The following PDIA6 variants were observed in gnomAD, a reference collection of about 807,000 sequenced individuals.
PDIA6 encodes the protein protein disulfide isomerase family A member 6.
PDIA6 carries 29 observed loss-of-function variants against 58.4 expected under a neutral mutation model. The ratio of observed to expected loss-of-function variants is 0.50; its 90% CI spans 0.37 to 0.68. The LOEUF is 0.68. PDIA6 is among the 30% of genes least tolerant of loss of function. PDIA6 has a pLI of 0.00. For synonymous variants in PDIA6, 192 were observed against 202.6 expected (o/e 0.95, Z 0.44); for missense variants, 480 against 551.0 (o/e 0.87, Z 1.29).
At chr2:10,808,165 G>A (rs1254840695) in intron 1 of PDIA6, among the ~76,000 whole-genome samples, 1 of 152,244 alleles carries the variant, frequency 6.6e-6, no homozygotes, top group African/African-American at 2.4e-5. Context: ...ATAGATTTAT[G>A]CTTTCTAGAA....
At position 10,819,259 on chromosome 2, in the gene PDIA6, G is replaced by A. The variant is rs1167783425; in HGVS notation, c.34+15C>T. ...ACAGATGGAGGCTCCTACTCTGGGAGTTTCCTCTACTTACCGGGTGCATTA... is the reference window on the plus strand; with the variant it reads ...ACAGATGGAGGCTCCTACTCTGGGAATTTCCTCTACTTACCGGGTGCATTA... On this transcript the variant is annotated intron_variant, in intron 2 of 13. Transcript: ENST00000381611. The A allele has an allele frequency of 3.4e-6, 5 of 1,476,604 alleles. No individual in the cohort carries two copies. In the South Asian group the frequency reaches 3.6e-5, roughly 11 times the overall value. 91.5% of individuals were successfully genotyped at this position (1,476,604 alleles called of 1,614,324 possible). A position where few individuals can be genotyped will look rare whatever the true frequency, so the allele number is the denominator to read the frequency against.
intron 1 of PDIA6, among the ~76,000 whole-genome samples, chr2:10,820,001 G>A (rs542960494): frequency 1.3e-5 from 2 of 152,330 alleles, no homozygotes; most frequent in African/African-American, 2.4e-5. Context: ...CAGCAGCCCT[G>A]CAGTTAGATA....
chr2:10,809,396 G>A (rs1160914695), intron 1 of PDIA6, among the ~76,000 whole-genome samples: 3 of 152,120 alleles, frequency 2.0e-5, no homozygotes, highest in African/African-American at 7.2e-5. Flanking sequence ...TAAGACTAAG[G>A]CTGGGTGTGG....
At chr2:10,823,842 C>T (rs1224543288) in intron 1 of PDIA6, among the ~76,000 whole-genome samples, 3 of 150,892 alleles carry the variant, frequency 2.0e-5, no homozygotes, top group Non-Finnish European at 4.4e-5. Flanking sequence ...AGCTGCTGTG[C>T]CCAAGGTTAT....
At chr2:10,806,429 G>A (rs1572682614) in intron 1 of PDIA6, among the ~76,000 whole-genome samples, 1 of 147,376 alleles carries the variant, frequency 6.8e-6, no homozygotes, top group African/African-American at 2.5e-5. Context: ...TGCGTTTTAA[G>A]GTAAGTGTTT....
At chr2:10,818,583 A>C (rs1178047306) in intron 2 of PDIA6, among the ~76,000 whole-genome samples, 1 of 137,278 alleles carries the variant, frequency 7.3e-6, no homozygotes, top group African/African-American at 2.7e-5. Flanking sequence ...GTGCAATTGC[A>C]CTATCTCGAC....
chr2:10,789,793 G>C lies in PDIA6; in HGVS notation c.796C>G (p.Leu266Val). The C allele has an allele frequency of 6.2e-7, 1 of 1,613,802 alleles. No individual in the cohort carries two copies. The highest frequency in any genetic ancestry group is 8.5e-7 in the Non-Finnish European group (1 of 1,179,882). Residue 266 changes from leucine to valine, a missense_variant, in exon 8 of 13, where the codon CTT becomes GTT. Leu to Val is a conservative substitution (Grantham distance 32). Transcript: ENST00000272227. ...GGGGCGTTATCAGAAAACAAATCAAGGGCCCGGGACACGATGTCGGATCTT... is the reference window on the plus strand; with the variant it reads ...GGGGCGTTATCAGAAAACAAATCAACGGCCCGGGACACGATGTCGGATCTT... The part of the protein sequence containing the change: ...RTRSDIVSRA[L>V]DLFSDNAPPP...
intron 2 of PDIA6, among the ~76,000 whole-genome samples, chr2:10,817,950 C>A (rs944345777): frequency 3.9e-5 from 6 of 152,158 alleles, no homozygotes; most frequent in Admixed American, 2.0e-4. Context: ...GGCTAACGTA[C>A]CCACAGAATG....
At chr2:10,829,475 A>G (rs1667644965) in intron 1 of PDIA6, among the ~76,000 whole-genome samples, 1 of 152,224 alleles carries the variant, frequency 6.6e-6, no homozygotes, top group Admixed American at 6.5e-5. Flanking sequence ...AAGGGTGTTG[A>G]CTTTTTGCTC....
chr2:10,817,393 T>C (rs1007408314), upstream of PDIA6, among the ~76,000 whole-genome samples: 1 of 152,188 alleles, frequency 6.6e-6, no homozygotes, highest in Non-Finnish European at 1.5e-5. Context: ...GTCACTCAGG[T>C]CATCTTTCTG....
chr2:10,829,042 C>T (rs1443685413), intron 1 of PDIA6, among the ~76,000 whole-genome samples: 1 of 152,226 alleles, frequency 6.6e-6, no homozygotes, highest in African/African-American at 2.4e-5. Context: ...GGGTGCTGTC[C>T]AGGCACTTTC....
At chr2:10,835,650 G>T (rs556529861), upstream of PDIA6, among the ~76,000 whole-genome samples, 2 of 152,202 alleles carry the variant, frequency 1.3e-5, no homozygotes, top group Non-Finnish European at 2.9e-5. Context: ...CCCAGCCTGG[G>T]TTTGGATCCA....
upstream of PDIA6, chr2:10,812,840 GC>G: frequency 1.7e-6 from 2 of 1,169,816 alleles, no homozygotes; most frequent in Non-Finnish European, 2.1e-6. Flanking sequence ...GGGCCGGAAG[GC>G]GCTCGCCAAG....
At chr2:10,786,024 A>C (rs1018355033) in intron 11 of PDIA6, among the ~76,000 whole-genome samples, 31 of 152,064 alleles carry the variant, frequency 2.0e-4, no homozygotes, top group Non-Finnish European at 4.4e-4. Flanking sequence ...CCACAAACTT[A>C]ATGAAAACAC....
At chr2:10,827,536 T>C (rs1276009491) in intron 1 of PDIA6, among the ~76,000 whole-genome samples, 1 of 151,994 alleles carries the variant, frequency 6.6e-6, no homozygotes, top group Non-Finnish European at 1.5e-5. Flanking sequence ...TCAGAAGAAA[T>C]ATAAGGGCTG....
chr2:10,812,706 CG>C lies in PDIA6; in HGVS notation c.-11del. 6.6e-7 allele frequency: 1 copy of C among 1,525,794 alleles called. No individual in the cohort carries two copies. Among genetic ancestry groups the C allele is most frequent in the Non-Finnish European group, 8.8e-7 (1 of 1,139,478 alleles). 94.5% of individuals were successfully genotyped at this position (1,525,794 alleles called of 1,614,324 possible). On this transcript the variant is annotated 5_prime_UTR_variant, in exon 1 of 13. Coordinates refer to ENST00000272227, the MANE Select transcript of PDIA6 (RefSeq NM_005742.4). ...GCACCAGGAGAGCCATGCCGAGCGCCGGGCTACGTGCAGTCCCCACCGCCGC... is the reference window on the plus strand; with the variant it reads ...GCACCAGGAGAGCCATGCCGAGCGCCGGCTACGTGCAGTCCCCACCGCCGC...
At chr2:10,825,573 A>G (rs1161227058) in intron 1 of PDIA6, among the ~76,000 whole-genome samples, 1 of 152,248 alleles carries the variant, frequency 6.6e-6, no homozygotes, top group Non-Finnish European at 1.5e-5. Context: ...TTGCAATGAT[A>G]TGTCTGGTAA....
chr2:10,819,491 T>C (rs1046854350), intron 1 of PDIA6: 1 of 601,966 alleles, frequency 1.7e-6, no homozygotes, highest in South Asian at 2.0e-5. Context: ...CGAAAAGTTA[T>C]AGTGCTGAAA....
intron 1 of PDIA6, among the ~76,000 whole-genome samples, chr2:10,828,961 C>G (rs1412517148): frequency 1.3e-5 from 2 of 152,164 alleles, no homozygotes; most frequent in African/African-American, 4.8e-5. Context: ...CTGGGGACAG[C>G]TGATGTATCA....
Sources: gnomAD v4.1 joint callset for allele counts (sites outside exome capture counted in the v4.1 genomes callset) on GRCh38, gnomAD v4.1.1 for gene constraint, MANE v1.5 for transcripts, NCBI Gene and HGNC (gene_info 2026-07-23, HGNC 2026-07-21) for gene names.